COL26A1: variants seen among roughly 807,000 people sequenced by gnomAD.
COL26A1 encodes collagen type XXVI alpha 1 chain, also known as collagen alpha-1(XXVI) chain.
COL26A1 carries 41 observed loss-of-function variants against 59.3 expected under a neutral mutation model. The ratio of observed to expected loss-of-function variants is 0.69; its 90% CI spans 0.54 to 0.90. The LOEUF (loss-of-function observed/expected upper bound fraction) is 0.90. COL26A1 is among the 40% of genes least tolerant of loss of function. COL26A1 has a pLI of 0.00. For synonymous variants in COL26A1, 266 were observed against 256.0 expected (o/e 1.04, Z -0.37); for missense variants, 612 against 602.3 (o/e 1.02, Z -0.17).
intron 1 of COL26A1, among the ~76,000 whole-genome samples, chr7:101,396,828 G>A (rs1484625264): frequency 1.3e-5 from 2 of 152,192 alleles, no homozygotes; most frequent in African/African-American, 4.8e-5. Context: ...ACAAGGGTTT[G>A]ATGTCAGAGA....
chr7:101,415,039 C>G (rs960158750), intron 1 of COL26A1, among the ~76,000 whole-genome samples: 3 of 152,064 alleles, frequency 2.0e-5, no homozygotes, highest in Non-Finnish European at 4.4e-5. Context: ...TGTTAGATTC[C>G]TTTGTAGGGT....
chr7:101,488,373 TATATAC>T (rs71106538), intron 3 of COL26A1, among the ~76,000 whole-genome samples: 34,571 of 136,396 alleles, frequency 0.25, 4,454 homozygotes, highest in South Asian at 0.28. Flanking sequence ...TATATATATA[TATATAC>T]ACACACATTT....
At chr7:101,549,605 C>T (rs1795818593) in intron 9 of COL26A1, among the ~76,000 whole-genome samples, 1 of 152,134 alleles carries the variant, frequency 6.6e-6, no homozygotes, top group African/African-American at 2.4e-5. Flanking sequence ...TGGTCTCGAA[C>T]ATCCGACCTC....
intron 2 of COL26A1, 122 bp from the exon 3 acceptor site, chr7:101,447,562 C>A: frequency 1.5e-6 from 1 of 654,886 alleles, no homozygotes; most frequent in Non-Finnish European, 2.7e-6. Context: ...CAGTGGTTTC[C>A]ACGCCATGGG....
chr7:101,481,458 A>C (rs1383377146), intron 3 of COL26A1, among the ~76,000 whole-genome samples: 2 of 148,834 alleles, frequency 1.3e-5, no homozygotes, highest in Non-Finnish European at 3.0e-5. Context: ...ATATATATAT[A>C]TATATATATA....
intron 3 of COL26A1, among the ~76,000 whole-genome samples, chr7:101,519,492 C>T (rs1795096333): frequency 6.6e-6 from 1 of 152,162 alleles, no homozygotes; most frequent in South Asian, 2.1e-4. Context: ...GCTGCCGGGC[C>T]CTGCTGGTGG....
At chr7:101,493,757 TAAAA>T (rs57268952) in intron 3 of COL26A1, among the ~76,000 whole-genome samples, 2 of 69,210 alleles carry the variant, frequency 2.9e-5, no homozygotes, top group East Asian at 4.0e-4. Flanking sequence ...CCATCTCTAC[TAAAA>T]AAAAAAAAAA....
chr7:101,462,613 G>A (rs62464275), intron 3 of COL26A1, among the ~76,000 whole-genome samples: 11,659 of 152,172 alleles, frequency 0.077, 556 homozygotes, highest in Middle Eastern at 0.15. Flanking sequence ...CACCGTGCCC[G>A]GCCTTAACTT....
chr7:101,481,883 G>A (rs187627589), intron 3 of COL26A1, among the ~76,000 whole-genome samples: 2 of 152,046 alleles, frequency 1.3e-5, no homozygotes, highest in Non-Finnish European at 2.9e-5. Context: ...TTAGACAGTG[G>A]GAATATTGTC....
chr7:101,526,291 C>T (rs1418744993), intron 3 of COL26A1, among the ~76,000 whole-genome samples: 1 of 152,134 alleles, frequency 6.6e-6, no homozygotes, highest in Non-Finnish European at 1.5e-5. Context: ...TCAGATGATC[C>T]ACCCACCTCA....
Position 101,544,036 on chromosome 7 carries a change from C to A in COL26A1, c.643C>A (p.Pro215Thr), listed in dbSNP as rs370187612. ...GACAGGACCACCAGGGCCTGCAGGCCCCCCCGGGTCTAAAGGTGACCGAGG... is the reference window on the plus strand; with the variant it reads ...GACAGGACCACCAGGGCCTGCAGGCACCCCCGGGTCTAAAGGTGACCGAGG... ...GQTGPPGPAG[P>T]PGSKGDRGQT... Residue 215 changes from proline to threonine, a missense_variant, in exon 6 of 13, where the codon CCC becomes ACC. Physicochemically the swap from Pro to Thr is conservative, Grantham distance 38 (BLOSUM62 -1). Coordinates refer to ENST00000313669, the MANE Select transcript of COL26A1 (RefSeq NM_001278563.3). 26 of 1,598,920 alleles carry A rather than the reference C, an allele frequency of 1.6e-5. No homozygotes were observed. In the African/African-American group the frequency reaches 2.3e-4, roughly 14 times the overall value.
At chr7:101,420,465 T>C (rs1023630518) in intron 2 of COL26A1, among the ~76,000 whole-genome samples, 3 of 152,048 alleles carry the variant, frequency 2.0e-5, no homozygotes, top group Non-Finnish European at 4.4e-5. Context: ...TACAATGACC[T>C]TGGAAATCCA....
At position 101,363,029 on chromosome 7, in the gene COL26A1, C is replaced by T. The variant is rs766376502; in HGVS notation, c.-4C>T. ...CTCCGGGTCCCCGCGGGCTGCTGCGCACGATGAAGCTGGCCCTGCTCCTGC... is the reference window on the plus strand; with the variant it reads ...CTCCGGGTCCCCGCGGGCTGCTGCGTACGATGAAGCTGGCCCTGCTCCTGC... On this transcript the variant is annotated 5_prime_UTR_variant, in exon 1 of 13. Transcript: ENST00000313669. 7 of 1,574,232 alleles carry T rather than the reference C, an allele frequency of 4.4e-6. No homozygotes were observed. In the African/African-American group the frequency reaches 8.3e-5, roughly 19 times the overall value.
intron 5 of COL26A1, 43 bp downstream of exon 5, chr7:101,540,092 G>A (rs1311488456): frequency 1.0e-5 from 16 of 1,566,882 alleles, no homozygotes; most frequent in Non-Finnish European, 1.4e-5. Flanking sequence ...GCAGCCGAAG[G>A]GACCTTGGGC....
chr7:101,484,059 AG>A (rs1301796845), intron 3 of COL26A1, among the ~76,000 whole-genome samples: 1 of 144,932 alleles, frequency 6.9e-6, no homozygotes, highest in Non-Finnish European at 1.5e-5. Context: ...TGTGTTGCCC[AG>A]GCTGGCCTTG....
intron 1 of COL26A1, among the ~76,000 whole-genome samples, chr7:101,381,304 T>C (rs911857281): frequency 6.6e-6 from 1 of 152,168 alleles, no homozygotes; most frequent in Non-Finnish European, 1.5e-5. Flanking sequence ...TTCTTTCTGA[T>C]ACCTCCTTTC....
At chr7:101,537,273 G>A (rs1364151518) in intron 4 of COL26A1, among the ~76,000 whole-genome samples, 1 of 152,134 alleles carries the variant, frequency 6.6e-6, no homozygotes, top group East Asian at 1.9e-4. Context: ...GAAGATTCCT[G>A]CTTGCCCTCC....
At chr7:101,530,294 C>T (rs1795337107) in intron 3 of COL26A1, among the ~76,000 whole-genome samples, 1 of 151,938 alleles carries the variant, frequency 6.6e-6, no homozygotes, top group Admixed American at 6.6e-5. Flanking sequence ...CTAGGCTGGG[C>T]GTGGTGGCTC....
At chr7:101,545,575 A>G in intron 7 of COL26A1, 85 bp downstream of exon 7, 2 of 1,399,638 alleles carry the variant, frequency 1.4e-6, no homozygotes, top group African/African-American at 3.0e-5. Context: ...GGATCCTGGG[A>G]AGTGGACCCC....
Sources: gnomAD v4.1 joint callset for allele counts (sites outside exome capture counted in the v4.1 genomes callset) on GRCh38, gnomAD v4.1.1 for gene constraint, MANE v1.5 for transcripts, NCBI Gene and HGNC (gene_info 2026-07-23, HGNC 2026-07-21) for gene names.